ANXA13: variants seen among roughly 807,000 people sequenced by gnomAD.
ANXA13 encodes the protein annexin XIII.
A neutral mutation model predicts 46.6 loss-of-function variants in ANXA13; 36 were observed. The ratio of observed to expected loss-of-function variants is 0.77; its 90% CI spans 0.59 to 1.02. ANXA13 has a LOEUF of 1.02. ANXA13 is among the 50% of genes least tolerant of loss of function. ANXA13 has a pLI of 0.00. For synonymous variants in ANXA13, 163 were observed against 152.9 expected (o/e 1.07, Z -0.49); for missense variants, 417 against 396.5 (o/e 1.05, Z -0.44).
intron 2 of ANXA13, among the ~76,000 whole-genome samples, chr8:123,708,055 C>T (rs1195523653): frequency 6.6e-6 from 1 of 152,112 alleles, no homozygotes; most frequent in East Asian, 1.9e-4. Flanking sequence ...TACCCAGTCA[C>T]TGAACAGTGA....
At position 123,712,541 on chromosome 8, in the gene ANXA13, TG is replaced by T. The variant is rs1414033556; in HGVS notation, c.91+136del. On this transcript the variant is annotated intron_variant, in intron 2 of 10. Transcript: ENST00000419625. Reference sequence around the variant, plus strand: ...TTGCGAACTTTAATAAAGAGGTTAGTGGAAGTGATTGACTTGCGTTAGCTCG... The same window carrying T: ...TTGCGAACTTTAATAAAGAGGTTAGTGAAGTGATTGACTTGCGTTAGCTCG... 1.1e-5 allele frequency: 8 copies of T among 756,254 alleles called. No homozygotes were observed. In the African/African-American group the frequency reaches 1.4e-4, roughly 13 times the overall value. The allele number at this position is 756,254 out of a possible 1,614,324, so 46.8% of individuals were successfully genotyped here. A position where few individuals can be genotyped will look rare whatever the true frequency, so the allele number is the denominator to read the frequency against.
chr8:123,714,344 C>T (rs931225273), intron 1 of ANXA13, among the ~76,000 whole-genome samples: 1 of 152,138 alleles, frequency 6.6e-6, no homozygotes, highest in Non-Finnish European at 1.5e-5. Flanking sequence ...GAGTCTTTCC[C>T]TTGGTGGATA....
At chr8:123,730,020 T>C (rs1814082929) in intron 1 of ANXA13, among the ~76,000 whole-genome samples, 1 of 152,154 alleles carries the variant, frequency 6.6e-6, no homozygotes, top group South Asian at 2.1e-4. Context: ...TTCCTTTCCC[T>C]CACCTCCCAC....
chr8:123,707,241 C>T (rs186532112), intron 2 of ANXA13, among the ~76,000 whole-genome samples: 20 of 152,296 alleles, frequency 1.3e-4, no homozygotes, highest in Admixed American at 7.2e-4. Flanking sequence ...CATGTCATCA[C>T]GACAGAACCT....
chr8:123,681,712 C>T (rs1442774211), intron 10 of ANXA13, among the ~76,000 whole-genome samples: 1 of 150,874 alleles, frequency 6.6e-6, no homozygotes, highest in Admixed American at 6.6e-5. Context: ...CAATCTCCGC[C>T]TCCTGGGTTC....
At chr8:123,684,529 A>G in intron 10 of ANXA13, 81 bp downstream of exon 10, 1 of 992,006 alleles carries the variant, frequency 1.0e-6, no homozygotes, top group Non-Finnish European at 1.6e-6. Flanking sequence ...TAGGCCCTTA[A>G]TAGAAACTAT....
chr8:123,708,658 G>A (rs926707831), intron 2 of ANXA13, among the ~76,000 whole-genome samples: 13 of 152,178 alleles, frequency 8.5e-5, no homozygotes, highest in African/African-American at 2.7e-4. Flanking sequence ...CTCAGTTTCC[G>A]GAGGGGAGGC....
intron 8 of ANXA13, among the ~76,000 whole-genome samples, chr8:123,689,729 G>A (rs1017458547): frequency 6.6e-6 from 1 of 152,186 alleles, no homozygotes; most frequent in African/African-American, 2.4e-5. Flanking sequence ...CAAGCTCAGG[G>A]CAGGCACATA....
At chr8:123,733,532 G>A (rs1486095390) in intron 1 of ANXA13, among the ~76,000 whole-genome samples, 1 of 152,106 alleles carries the variant, frequency 6.6e-6, no homozygotes, top group Non-Finnish European at 1.5e-5. Flanking sequence ...CTCCACTGGA[G>A]ACAATATTTA....
intron 1 of ANXA13, among the ~76,000 whole-genome samples, chr8:123,727,121 G>C (rs1355529716): frequency 1.3e-5 from 2 of 151,970 alleles, no homozygotes; most frequent in Non-Finnish European, 2.9e-5. Flanking sequence ...TCGGGTGATG[G>C]GTGCACCAAA....
chr8:123,712,892 G>A lies in ANXA13; in HGVS notation c.16-139C>T, dbSNP rs553848349. The A allele has an allele frequency of 4.4e-5, 33 of 748,804 alleles. 1 individual carries two copies. The highest frequency in any genetic ancestry group is 1.3e-4 in the South Asian group (8 of 63,472). The allele number at this position is 748,804 out of a possible 1,614,324, so 46.4% of individuals were successfully genotyped here. ...TGTCACTTCACACACTGGTACATGC[G>A]GAAATCAGCTGGGGAGACTCTGGCC... is the stretch of plus-strand genomic sequence containing the variant. On this transcript the variant is annotated intron_variant, in intron 1 of 10. Transcript: ENST00000419625.
chr8:123,688,865 C>A lies in ANXA13; in HGVS notation c.718+6G>T, dbSNP rs1198712819. ...TAAGACAGGAGCTCTCCTAACTTTA[C>A]TTTACCGAGAGTTAAATAGGCCTTC... is the stretch of plus-strand genomic sequence containing the variant. On this transcript the variant is annotated splice_donor_region_variant and intron_variant, in intron 9 of 10. Coordinates refer to ENST00000419625, the MANE Select transcript of ANXA13 (RefSeq NM_004306.4). The A allele has an allele frequency of 6.2e-7, 1 of 1,613,416 alleles. No homozygotes were observed. Among genetic ancestry groups the A allele is most frequent in the South Asian group, 1.1e-5 (1 of 91,068 alleles).
rs1389327672 is a variant in ANXA13 at position 123,690,762 on chromosome 8, C to T, written c.643-1816G>A. ...GAGGTTATTAGAGGAGCAGGGGAGA[C>T]ATTTCTTTCTTTGAAAATCGGTTTC... On this transcript the variant is annotated intron_variant, in intron 8 of 10. Transcript: ENST00000419625. This position sits in a 1 kb window ranked among gnomAD's most constrained non-coding sequence, Gnocchi z 4.6. 6.6e-6 allele frequency among the ~76,000 whole-genome samples: 1 copy of T among 152,198 alleles called. No individual in the cohort carries two copies. Among genetic ancestry groups the T allele is most frequent in the Non-Finnish European group, 1.5e-5 (1 of 68,034 alleles).
chr8:123,720,013 A>G (rs1813831652), intron 1 of ANXA13, among the ~76,000 whole-genome samples: 1 of 152,146 alleles, frequency 6.6e-6, no homozygotes, highest in African/African-American at 2.4e-5. Flanking sequence ...GTGACATAGG[A>G]TGTAAGGGTC....
chr8:123,715,202 C>T (rs996861149), intron 1 of ANXA13, among the ~76,000 whole-genome samples: 4 of 152,180 alleles, frequency 2.6e-5, no homozygotes, highest in Non-Finnish European at 5.9e-5. Flanking sequence ...TCAAAAATTA[C>T]CAAGAATTTC....
chr8:123,705,984 C>A (rs1216873637), intron 2 of ANXA13, among the ~76,000 whole-genome samples: 1 of 152,202 alleles, frequency 6.6e-6, no homozygotes, highest in African/African-American at 2.4e-5. Context: ...TGTTCCAAAC[C>A]TTTGGGTCCT....
At chr8:123,727,333 T>C (rs1814020474) in intron 1 of ANXA13, among the ~76,000 whole-genome samples, 1 of 152,178 alleles carries the variant, frequency 6.6e-6, no homozygotes, top group African/African-American at 2.4e-5. Context: ...CTGACTTTTC[T>C]CTGTTATAAG....
intron 2 of ANXA13, among the ~76,000 whole-genome samples, chr8:123,704,877 G>A (rs1421109293): frequency 6.6e-6 from 1 of 152,104 alleles, no homozygotes; most frequent in Admixed American, 6.5e-5. Context: ...TCCTTTCCCA[G>A]GCGACTTTCG....
chr8:123,693,388 T>C, intron 7 of ANXA13, 90 bp from the exon 8 acceptor site: 1 of 1,151,738 alleles, frequency 8.7e-7, no homozygotes, highest in Non-Finnish European at 1.3e-6. Flanking sequence ...GACAGGAAAT[T>C]ATAAACTATG....
Sources: gnomAD v4.1 joint callset for allele counts (sites outside exome capture counted in the v4.1 genomes callset) on GRCh38, gnomAD v4.1.1 for gene constraint, Gnocchi (gnomAD v3.1) non-coding constraint, MANE v1.5 for transcripts, NCBI Gene and HGNC (gene_info 2026-07-23, HGNC 2026-07-21) for gene names.